Variants in MAGI1 observed in about 807,000 individuals in gnomAD.
MAGI1 encodes membrane associated guanylate kinase, WW and PDZ domain containing 1, also known as membrane-associated guanylate kinase, WW and PDZ domain-containing protein 1.
MAGI1 carries 58 observed loss-of-function variants against 139.9 expected under a neutral mutation model. The ratio of observed to expected loss-of-function variants is 0.41; its 90% CI spans 0.34 to 0.52. The LOEUF is 0.52. Ranked by LOEUF, MAGI1 falls within the 20% of genes least tolerant of loss-of-function variation. MAGI1 has a pLI of 0.12. For missense variants in MAGI1, 1,874 were observed against 1,901.6 expected (o/e 0.99, Z 0.27); for synonymous variants, 812 against 737.9 (o/e 1.10, Z -1.63).
chr3:65,478,723 CT>C lies in MAGI1; in HGVS notation c.625del (p.Ser209AlafsTer25). ...GKVITTDALH[S>X]LQSGSKQSTP... The stretch of plus-strand genomic sequence containing the variant: ...CGACTGCTTAGAGCCAGACTGAAGG[CT>C]GTGCAAGGCATCCGTCGTGATCACT... On this transcript the variant is annotated frameshift_variant, in exon 4 of 23. Coordinates refer to ENST00000402939, the MANE Select transcript of MAGI1 (RefSeq NM_001033057.2). LOFTEE classifies it high-confidence loss of function. The C allele has an allele frequency of 6.2e-7, 1 of 1,614,082 alleles. No individual in the cohort carries two copies. Among genetic ancestry groups the C allele is most frequent in the Non-Finnish European group, 8.5e-7 (1 of 1,179,998 alleles).
At chr3:65,633,746 A>T (rs998023001) in intron 1 of MAGI1, among the ~76,000 whole-genome samples, 9 of 152,196 alleles carry the variant, frequency 5.9e-5, no homozygotes, top group Non-Finnish European at 1.3e-4. Flanking sequence ...CAGAAAAAAA[A>T]TAACAAAGGA....
At chr3:65,891,423 G>C (rs1399589389) in intron 1 of MAGI1, among the ~76,000 whole-genome samples, 1 of 151,972 alleles carries the variant, frequency 6.6e-6, no homozygotes, top group African/African-American at 2.4e-5. Context: ...TAGGACTTAG[G>C]TAAGCACCAT....
intron 22 of MAGI1, 57 bp from the exon 23 acceptor site, chr3:65,357,189 C>A (rs550265509): frequency 8.5e-6 from 13 of 1,533,588 alleles, no homozygotes; most frequent in South Asian, 1.2e-5. Flanking sequence ...CGGCTCCTGT[C>A]CCCGTTCCCA....
At chr3:65,473,216 C>T (rs1004149391) in intron 4 of MAGI1, among the ~76,000 whole-genome samples, 4 of 152,108 alleles carry the variant, frequency 2.6e-5, no homozygotes, top group African/African-American at 4.8e-5. Flanking sequence ...CCCCAGCCTG[C>T]AAATACATTA....
chr3:65,597,859 G>A (rs535516658), intron 2 of MAGI1: 27 of 453,470 alleles, frequency 6.0e-5, no homozygotes, highest in African/African-American at 3.8e-4. Flanking sequence ...TTCCCTTTGT[G>A]AGCCTGAAAC....
intron 1 of MAGI1, among the ~76,000 whole-genome samples, chr3:65,805,706 G>A (rs1184131721): frequency 6.6e-6 from 1 of 152,182 alleles, no homozygotes; most frequent in Non-Finnish European, 1.5e-5. Flanking sequence ...ATCAGCAATA[G>A]GCTGGATAAA....
chr3:66,003,476 G>A (rs1279727661), intron 1 of MAGI1, among the ~76,000 whole-genome samples: 1 of 152,028 alleles, frequency 6.6e-6, no homozygotes, highest in Non-Finnish European at 1.5e-5. Flanking sequence ...CCAACATGGT[G>A]AAACCTCGTC....
intron 1 of MAGI1, among the ~76,000 whole-genome samples, chr3:65,969,983 T>C (rs2064945591): frequency 6.6e-6 from 1 of 152,098 alleles, no homozygotes; most frequent in Non-Finnish European, 1.5e-5. Flanking sequence ...ATGAATAGGA[T>C]TGGGCTCAGG....
intron 1 of MAGI1, among the ~76,000 whole-genome samples, chr3:65,881,767 C>T (rs1252147123): frequency 5.9e-5 from 9 of 152,154 alleles, no homozygotes; most frequent in African/African-American, 2.2e-4. Flanking sequence ...GAGGGGGATT[C>T]AGCTCCTAGT....
rs114338786 is a variant in MAGI1, at chr3:65,763,301, A to T, written c.314-141213T>A. Reference sequence around the variant, plus strand: ...CCTCTCTGTGTTCAACCAAATATAAAAGTATCTAGGTTTTGCCACTTCCTT... The same window carrying T: ...CCTCTCTGTGTTCAACCAAATATAATAGTATCTAGGTTTTGCCACTTCCTT... On this transcript the variant is annotated intron_variant, in intron 1 of 22. Transcript: ENST00000402939. Among the ~76,000 whole-genome samples the T allele has an allele frequency of 6.4e-3, 967 of 152,230 alleles. 1 individual carries two copies. Among genetic ancestry groups the T allele is most frequent in the Middle Eastern group, 0.01 (3 of 294 alleles).
chr3:65,432,257 AC>A (rs1947510397), intron 10 of MAGI1, among the ~76,000 whole-genome samples: 1 of 151,884 alleles, frequency 6.6e-6, no homozygotes, highest in African/African-American at 2.4e-5. Context: ...TACTTCTTAT[AC>A]CCTGTCCTTG....
intron 2 of MAGI1, among the ~76,000 whole-genome samples, chr3:65,601,762 G>A (rs765110021): frequency 2.8e-4 from 42 of 151,818 alleles, no homozygotes; most frequent in African/African-American, 9.9e-4. Flanking sequence ...AGATTAGAGT[G>A]TATTAAAATT....
At chr3:65,457,659 T>A (rs947010320) in intron 5 of MAGI1, among the ~76,000 whole-genome samples, 1 of 152,146 alleles carries the variant, frequency 6.6e-6, no homozygotes, top group Non-Finnish European at 1.5e-5. Context: ...TATTAAATTT[T>A]AAATTTTTGT....
chr3:66,018,404 C>T (rs1053809361), intron 1 of MAGI1, among the ~76,000 whole-genome samples: 3 of 152,174 alleles, frequency 2.0e-5, no homozygotes, highest in African/African-American at 7.2e-5. Flanking sequence ...AGGAGTTAAA[C>T]CCTGGGATTC....
At chr3:65,456,247 G>C (rs1420422698) in intron 5 of MAGI1, among the ~76,000 whole-genome samples, 1 of 152,084 alleles carries the variant, frequency 6.6e-6, no homozygotes, top group Non-Finnish European at 1.5e-5. Context: ...CATTTCCCTA[G>C]AGCTAACTAA....
intron 1 of MAGI1, among the ~76,000 whole-genome samples, chr3:65,728,836 T>G (rs567829679): frequency 2.0e-5 from 3 of 152,160 alleles, no homozygotes; most frequent in African/African-American, 7.2e-5. Flanking sequence ...ATTCCTCTAG[T>G]AGAACTTGAG....
chr3:65,641,904 G>C (rs571249553), intron 1 of MAGI1, among the ~76,000 whole-genome samples: 1 of 152,272 alleles, frequency 6.6e-6, no homozygotes, highest in South Asian at 2.1e-4. Context: ...TATGTAGTTT[G>C]AAGAACAGAC....
chr3:65,562,220 A>T (rs889369495), intron 2 of MAGI1, among the ~76,000 whole-genome samples: 1 of 152,156 alleles, frequency 6.6e-6, no homozygotes, highest in African/African-American at 2.4e-5. Flanking sequence ...TAAGAAGGGG[A>T]CTACTGTATT....
chr3:65,506,268 C>T (rs2077283990), intron 2 of MAGI1, among the ~76,000 whole-genome samples: 1 of 152,146 alleles, frequency 6.6e-6, no homozygotes, highest in African/African-American at 2.4e-5. Context: ...GTGAGGATTA[C>T]ATGAGATAAC....
Sources: gnomAD v4.1 joint callset for allele counts (sites outside exome capture counted in the v4.1 genomes callset) on GRCh38, gnomAD v4.1.1 for gene constraint, MANE v1.5 for transcripts, NCBI Gene and HGNC (gene_info 2026-07-23, HGNC 2026-07-21) for gene names.